Variants in BTG4 observed in about 807,000 individuals in gnomAD.
BTG4 encodes protein BTG4.
In BTG4, 10 loss-of-function variants were observed where a neutral mutation model predicts 19.3. The ratio of observed to expected loss-of-function variants is 0.52; its 90% CI spans 0.32 to 0.88. BTG4 has a LOEUF of 0.88. BTG4 is among the 40% of genes least tolerant of loss of function. BTG4 has a pLI of 0.04. For synonymous variants in BTG4, 91 were observed against 95.7 expected, an observed-to-expected ratio of 0.95 and a Z score of 0.29; for missense variants, 238 against 281.9, an observed-to-expected ratio of 0.84 and a Z score of 1.11.
At position 111,487,304 on chromosome 11, in the gene BTG4, T is replaced by C. The variant is rs532935734; in HGVS notation, c.662+7859A>G. ...CATACACGTGAATGTATCTTTATAA[T>C]AGAATGATTTATATTCCTTTGGGTA... On this transcript the variant is annotated intron_variant, in intron 5 of 5. Coordinates refer to the BTG4 transcript ENST00000356018. Among the ~76,000 whole-genome samples, 19 of 152,330 alleles carry C rather than the reference T, an allele frequency of 1.2e-4. No homozygotes were observed. In the South Asian group the frequency reaches 2.7e-3, roughly 22 times the overall value.
At chr11:111,427,328 A>G in the BTG4 span, among the ~76,000 whole-genome samples, 1 of 152,180 alleles carries the variant, frequency 6.6e-6, no homozygotes, top group Non-Finnish European at 1.5e-5. Flanking sequence ...CCTTTGGTAG[A>G]GGCCTAGAGA....
upstream of BTG4, among the ~76,000 whole-genome samples, chr11:111,512,513 G>A (rs1013607360): frequency 3.3e-5 from 5 of 152,052 alleles, no homozygotes; most frequent in African/African-American, 1.2e-4. Context: ...CGGGGCGCAC[G>A]GGGTCGAGAG....
At chr11:111,491,519 G>A (rs918095566), downstream of BTG4, among the ~76,000 whole-genome samples, 3 of 151,992 alleles carry the variant, frequency 2.0e-5, no homozygotes, top group Non-Finnish European at 4.4e-5. Context: ...AAGCCGAAGC[G>A]GGAGGATCCC....
the BTG4 span, among the ~76,000 whole-genome samples, chr11:111,415,483 A>G: frequency 1.8e-3 from 271 of 152,356 alleles, no homozygotes; most frequent in African/African-American, 6.2e-3. Context: ...CTCCTGACCT[A>G]GGTCCCAGAG....
rs527650974 is a variant in BTG4 at position 111,502,419 on chromosome 11, A to G, written c.-26-3617T>C. On this transcript the variant is annotated intron_variant, in intron 1 of 4. Transcript: ENST00000692032. ...GAAGAAGATTTTAAGCTTATTTTAC[A>G]CTTTTGATTGCTTAATAATGCCTTA... 9.2e-5 allele frequency among the ~76,000 whole-genome samples: 14 copies of G among 152,330 alleles called. No homozygotes were observed. In the South Asian group the frequency reaches 2.9e-3, roughly 32 times the overall value.
At chr11:111,391,557 G>A in the BTG4 span, among the ~76,000 whole-genome samples, 9 of 152,214 alleles carry the variant, frequency 5.9e-5, no homozygotes, top group African/African-American at 2.2e-4. Context: ...CGGCACAGGC[G>A]GAGTTATGCC....
At chr11:111,512,906 G>T, upstream of BTG4, 1 of 434,414 alleles carries the variant, frequency 2.3e-6, no homozygotes, top group Admixed American at 2.7e-5. Flanking sequence ...CGGCGCTGCG[G>T]ACCGTCCGGG....
chr11:111,445,144 T>C, the BTG4 span, among the ~76,000 whole-genome samples: 4 of 152,206 alleles, frequency 2.6e-5, no homozygotes, highest in Non-Finnish European at 4.4e-5. Flanking sequence ...CTGATGGGTA[T>C]TGGGGACTTG....
chr11:111,509,207 A>C (rs1039506112), intron 1 of BTG4, among the ~76,000 whole-genome samples: 1 of 152,194 alleles, frequency 6.6e-6, no homozygotes, highest in African/African-American at 2.4e-5. Context: ...TCAAAAGAAA[A>C]TCTTCTCCCA....
chr11:111,489,053 G>GTT (rs1865243700), intron 5 of BTG4, among the ~76,000 whole-genome samples: 2 of 16,366 alleles, frequency 1.2e-4, no homozygotes, highest in East Asian at 0.5. Flanking sequence ...GCTGAAGCAG[G>GTT]AAATCACTTG....
chr11:111,385,458 T>C, the BTG4 span: 5 of 152,022 alleles, frequency 3.3e-5, no homozygotes, highest in African/African-American at 7.2e-5. Context: ...ATAAGGTCAA[T>C]ATAAGAAAAG....
the BTG4 span, among the ~76,000 whole-genome samples, chr11:111,432,211 A>G: frequency 6.6e-6 from 1 of 152,232 alleles, no homozygotes; most frequent in Non-Finnish European, 1.5e-5. Flanking sequence ...GAATGCTGAT[A>G]GGCAGGGTAT....
At chr11:111,462,671 T>A (rs1415453656), downstream of BTG4, among the ~76,000 whole-genome samples, 2 of 152,214 alleles carry the variant, frequency 1.3e-5, no homozygotes, top group African/African-American at 4.8e-5. Flanking sequence ...TCTCTGCCAT[T>A]TGCAGCAGAG....
chr11:111,400,821 G>A, the BTG4 span, among the ~76,000 whole-genome samples: 2 of 152,100 alleles, frequency 1.3e-5, no homozygotes, highest in Non-Finnish European at 2.9e-5. Context: ...AGGATGTAGT[G>A]AGAAGCCTGC....
At chr11:111,494,209 G>A (rs1226169634), downstream of BTG4, among the ~76,000 whole-genome samples, 3 of 152,202 alleles carry the variant, frequency 2.0e-5, no homozygotes, top group Non-Finnish European at 4.4e-5. Context: ...CCTGCTGAGA[G>A]CACAGGAGGG....
At chr11:111,392,959 G>A in the BTG4 span, among the ~76,000 whole-genome samples, 3 of 152,278 alleles carry the variant, frequency 2.0e-5, no homozygotes, top group East Asian at 1.9e-4. Flanking sequence ...TTGCAATCAC[G>A]GATAGGCTTG....
the BTG4 span, among the ~76,000 whole-genome samples, chr11:111,394,254 C>T: frequency 3.3e-5 from 5 of 152,184 alleles, no homozygotes; most frequent in Admixed American, 1.3e-4. Flanking sequence ...AGTTCCTGCC[C>T]TTTCCATACT....
chr11:111,501,917 T>C (rs1866107730), intron 1 of BTG4, among the ~76,000 whole-genome samples: 1 of 152,224 alleles, frequency 6.6e-6, no homozygotes, highest in African/African-American at 2.4e-5. Context: ...AGTAAATATT[T>C]AAACATCTAC....
At chr11:111,428,622 G>C in the BTG4 span, among the ~76,000 whole-genome samples, 2 of 152,196 alleles carry the variant, frequency 1.3e-5, no homozygotes, top group African/African-American at 4.8e-5. Flanking sequence ...GGGGACCTGA[G>C]CCCTAGGACA....
Sources: gnomAD v4.1 joint callset for allele counts (sites outside exome capture counted in the v4.1 genomes callset) on GRCh38, gnomAD v4.1.1 for gene constraint, MANE v1.5 for transcripts, NCBI Gene and HGNC (gene_info 2026-07-23, HGNC 2026-07-21) for gene names.